ZMIZ1: variants seen among roughly 807,000 people sequenced by gnomAD.
The protein encoded by ZMIZ1 is zinc finger MIZ-type containing 1, also known as zinc finger MIZ domain-containing protein 1.
ZMIZ1 carries 17 observed loss-of-function variants against 113.9 expected under a neutral mutation model. That is an observed-to-expected ratio of 0.15 (90% confidence interval 0.10 to 0.22). ZMIZ1 has a LOEUF of 0.22. Among genes scored for constraint, ZMIZ1 ranks in the 10% least tolerant of loss-of-function variants. The pLI is 1.00. For synonymous variants in ZMIZ1, 607 were observed against 603.1 expected, an observed-to-expected ratio of 1.01 and a Z score of -0.09; for missense variants, 1,059 against 1,477.8, an observed-to-expected ratio of 0.72 and a Z score of 4.65.
intron 7 of ZMIZ1, among the ~76,000 whole-genome samples, chr10:79,253,734 C>G (rs1021595220): frequency 6.6e-6 from 1 of 152,198 alleles, no homozygotes; most frequent in African/African-American, 2.4e-5. Context: ...ACGCAGGAGG[C>G]TCACTTAGAT....
chr10:79,127,267 C>G lies in ZMIZ1; in HGVS notation c.-227+8243C>G, dbSNP rs533321851. Reference sequence around the variant, plus strand: ...TGGCTCCTCCCCATAGCCCTGGGCTCGGCCGGTCTGTGTTTGCAGAGCCTC... The same window carrying G: ...TGGCTCCTCCCCATAGCCCTGGGCTGGGCCGGTCTGTGTTTGCAGAGCCTC... On this transcript the variant is annotated intron_variant, in intron 2 of 24. Coordinates refer to ENST00000334512, the MANE Select transcript of ZMIZ1 (RefSeq NM_020338.4). Among the ~76,000 whole-genome samples, 27 of 152,306 alleles carry G rather than the reference C, an allele frequency of 1.8e-4. No homozygotes were observed. The South Asian group carries it at 4.8e-3, about 27-fold the overall frequency.
chr10:79,303,582 T>C (rs1404603917), intron 18 of ZMIZ1, among the ~76,000 whole-genome samples: 1 of 151,834 alleles, frequency 6.6e-6, no homozygotes, highest in Non-Finnish European at 1.5e-5. Context: ...ATTGCTGCCC[T>C]GAGTCCTGGG....
Position 79,116,894 on chromosome 10 carries a change from G to A in ZMIZ1, c.-336-2021G>A, listed in dbSNP as rs78092649. 8.9e-3 allele frequency among the ~76,000 whole-genome samples: 1,360 copies of A among 152,328 alleles called. 13 individuals are homozygous for A. The highest frequency in any genetic ancestry group is 0.014 in the Non-Finnish European group (972 of 68,024). On this transcript the variant is annotated intron_variant, in intron 1 of 24. Transcript: ENST00000334512. Reference sequence around the variant, plus strand: ...GCTGTGAGTTATCTCCTGCTGCCCAGCAAACCACCTGAAAACTTGGTGGCT... The same window carrying A: ...GCTGTGAGTTATCTCCTGCTGCCCAACAAACCACCTGAAAACTTGGTGGCT...
In ZMIZ1 at chr10:79,165,141, C is replaced by T. The variant is rs563696616; in HGVS notation, c.-50+3008C>T. On this transcript the variant is annotated intron_variant, in intron 4 of 24. Coordinates refer to ENST00000334512, the MANE Select transcript of ZMIZ1 (RefSeq NM_020338.4). Reference sequence around the variant, plus strand: ...GGGCCTCAGACCTAGGTCTGATATGCTGGTCTGTCTGGTGTAACCTCAGCA... The same window carrying T: ...GGGCCTCAGACCTAGGTCTGATATGTTGGTCTGTCTGGTGTAACCTCAGCA... 2.3e-4 allele frequency among the ~76,000 whole-genome samples: 35 copies of T among 152,310 alleles called. 1 individual carries two copies. In the South Asian group the frequency reaches 7.3e-3, roughly 32 times the overall value.
chr10:79,123,152 G>C (rs1350543158), intron 2 of ZMIZ1, among the ~76,000 whole-genome samples: 1 of 152,222 alleles, frequency 6.6e-6, no homozygotes, highest in East Asian at 1.9e-4. Flanking sequence ...ACAGATGAGA[G>C]GGGTATCGTG....
chr10:79,095,830 C>G (rs1843149297), intron 1 of ZMIZ1, among the ~76,000 whole-genome samples: 1 of 152,168 alleles, frequency 6.6e-6, no homozygotes, highest in Non-Finnish European at 1.5e-5. Context: ...TGCTGGGGTC[C>G]CTGCATCTGT....
At chr10:79,079,640 G>A (rs186991601) in intron 1 of ZMIZ1, among the ~76,000 whole-genome samples, 11 of 118,570 alleles carry the variant, frequency 9.3e-5, no homozygotes, top group East Asian at 1.1e-3. Context: ...CACTGGGGCC[G>A]GGGGGGTCCA....
At chr10:79,244,709 G>C (rs750358069) in intron 7 of ZMIZ1, among the ~76,000 whole-genome samples, 1 of 152,208 alleles carries the variant, frequency 6.6e-6, no homozygotes, top group Non-Finnish European at 1.5e-5. Flanking sequence ...CTTCTCATTG[G>C]CCCATCTTTG....
intron 1 of ZMIZ1, among the ~76,000 whole-genome samples, chr10:79,097,185 A>T (rs796441226): frequency 6.6e-5 from 10 of 152,302 alleles, no homozygotes; most frequent in South Asian, 2.1e-4. Flanking sequence ...GGGGTCCCAC[A>T]TGGTGCTGGC....
intron 3 of ZMIZ1, among the ~76,000 whole-genome samples, chr10:79,148,749 C>A (rs1206806117): frequency 6.6e-6 from 1 of 152,220 alleles, no homozygotes; most frequent in African/African-American, 2.4e-5. Context: ...CTTACTACTG[C>A]CGTCTTGTAG....
rs939458026 is a variant in ZMIZ1 at position 79,097,050 on chromosome 10, C to G, written c.-336-21865C>G. On this transcript the variant is annotated intron_variant, in intron 1 of 24. Transcript: ENST00000334512. ...GTGGCTCGGGGATGACCGGCAGGGG[C>G]AGAGCAGCTGAAACACGGTGGGCAC... Among the ~76,000 whole-genome samples the G allele has an allele frequency of 1.3e-3, 196 of 152,272 alleles. 3 individuals carry two copies. The highest frequency in any genetic ancestry group is 3.4e-3 in the Middle Eastern group (1 of 294).
rs375846546 is a variant in ZMIZ1 at position 79,292,177 on chromosome 10, G to A, written c.778G>A (p.Ala260Thr). 2.3e-5 allele frequency: 37 copies of A among 1,609,370 alleles called. No homozygotes were observed. Among genetic ancestry groups the A allele is most frequent in the South Asian group, 3.3e-5 (3 of 90,920 alleles). ...FGASYPGGPN[A>T]PAGMGIPPHT... The stretch of plus-strand genomic sequence containing the variant: ...CTGCAGTTACCCTGGGGGTCCTAAC[G>A]CCCCCGCAGGCATGGGCATCCCTCC... The change falls in exon 11 of 25, where the codon GCC (alanine) becomes ACC (threonine). Residue 260 changes from alanine to threonine, a missense_variant. Ala to Thr is a moderately conservative substitution (Grantham distance 58). Around this residue, in one of 6 missense-constraint regions of ZMIZ1, gnomAD observed 272 missense variants for 350.4 expected, o/e 0.78. Transcript: ENST00000334512.
intron 2 of ZMIZ1, among the ~76,000 whole-genome samples, chr10:79,125,571 C>G (rs1844477718): frequency 6.6e-6 from 1 of 152,228 alleles, no homozygotes; most frequent in South Asian, 2.1e-4. Flanking sequence ...TGGAGTTTGT[C>G]TCTTTCTGGT....
rs547272876 is a variant in ZMIZ1, at chr10:79,205,792, G to T, written c.61-2544G>T. ...AAATAGGTGACAAGGGCACAGAGAG[G>T]GGAGGGGGCTTGACCAAGGCCAAAG... On this transcript the variant is annotated intron_variant, in intron 5 of 24. Coordinates refer to ENST00000334512, the MANE Select transcript of ZMIZ1 (RefSeq NM_020338.4). Among the ~76,000 whole-genome samples, 8 of 152,268 alleles carry T rather than the reference G, an allele frequency of 5.3e-5. 1 individual carries two copies. Among genetic ancestry groups the T allele is most frequent in the Admixed American group, 4.6e-4 (7 of 15,300 alleles).
intron 7 of ZMIZ1, among the ~76,000 whole-genome samples, chr10:79,217,668 A>G (rs1332369963): frequency 6.6e-6 from 1 of 152,176 alleles, no homozygotes; most frequent in Non-Finnish European, 1.5e-5. Flanking sequence ...AATCTGCTCA[A>G]TTTATAATCT....
chr10:79,110,166 T>C (rs1843688016), intron 1 of ZMIZ1, among the ~76,000 whole-genome samples: 1 of 152,216 alleles, frequency 6.6e-6, no homozygotes, highest in South Asian at 2.1e-4. Flanking sequence ...GCATCTCTAT[T>C]ATCCTTAGAT....
chr10:79,076,202 T>A (rs1842469447), intron 1 of ZMIZ1, among the ~76,000 whole-genome samples: 1 of 152,196 alleles, frequency 6.6e-6, no homozygotes, highest in South Asian at 2.1e-4. Flanking sequence ...CAGCAGCGAA[T>A]GGGTGACCGA....
intron 12 of ZMIZ1, 43 bp downstream of exon 12, chr10:79,293,696 C>T (rs1230381239): frequency 6.2e-7 from 1 of 1,612,834 alleles, no homozygotes; most frequent in South Asian, 1.1e-5. Flanking sequence ...AACTGGGACA[C>T]CTGGGCTTGA....
At chr10:79,182,133 C>T (rs558319667) in intron 4 of ZMIZ1, among the ~76,000 whole-genome samples, 10 of 152,148 alleles carry the variant, frequency 6.6e-5, no homozygotes, top group Admixed American at 5.9e-4. Flanking sequence ...TGTGCACATG[C>T]GTGTGTGCAT....
Sources: gnomAD v4.1 joint callset for allele counts (sites outside exome capture counted in the v4.1 genomes callset) on GRCh38, gnomAD v4.1.1 for gene constraint, gnomAD v4.1.1 regional missense constraint, MANE v1.5 for transcripts, NCBI Gene and HGNC (gene_info 2026-07-23, HGNC 2026-07-21) for gene names.